NUDT13: variants seen among roughly 807,000 people sequenced by gnomAD.
The protein encoded by NUDT13 is NAD(P)H pyrophosphatase NUDT13, mitochondrial.
Under a neutral mutation model 41.7 loss-of-function variants are expected in NUDT13, and 40 were observed. The ratio of observed to expected loss-of-function variants is 0.96; its 90% CI spans 0.75 to 1.25. The LOEUF (loss-of-function observed/expected upper bound fraction) is 1.25, where lower values mean the gene tolerates loss of function less well. Among genes scored for constraint, NUDT13 ranks in the 50% most tolerant of loss-of-function variants. The probability of loss-of-function intolerance (pLI) is 0.00; values close to 1 mark genes in which losing one functional copy is unlikely to be tolerated. For missense variants in NUDT13, 390 were observed against 416.1 expected (o/e 0.94, Z 0.55); for synonymous variants, 145 against 155.5 (o/e 0.93, Z 0.50).
intron 8 of NUDT13, among the ~76,000 whole-genome samples, chr10:73,128,791 A>G (rs189892860): frequency 1.2e-4 from 18 of 152,268 alleles, no homozygotes; most frequent in Admixed American, 1.2e-3. Flanking sequence ...CTTTGGTATC[A>G]TATCTAAGAG....
chr10:73,114,465 C>G lies in NUDT13; in HGVS notation c.83+17C>G. On this transcript the variant is annotated intron_variant, in intron 2 of 8. Coordinates refer to ENST00000357321, the MANE Select transcript of NUDT13 (RefSeq NM_015901.6). ...TAAGACACGGTGAGTTTTAGCCAAC[C>G]TGAGCTTTGATTATTCTGTTTGGCC... 6.9e-7 allele frequency: 1 copy of G among 1,444,154 alleles called. No individual in the cohort carries two copies. Among genetic ancestry groups the G allele is most frequent in the Non-Finnish European group, 9.5e-7 (1 of 1,049,292 alleles). 89.5% of individuals were successfully genotyped at this position (1,444,154 alleles called of 1,614,324 possible).
At chr10:73,113,598 T>C (rs1186518604) in intron 1 of NUDT13, among the ~76,000 whole-genome samples, 1 of 152,202 alleles carries the variant, frequency 6.6e-6, no homozygotes, top group African/African-American at 2.4e-5. Flanking sequence ...ATCTTTTACA[T>C]TTTTGTGTTC....
intron 2 of NUDT13, among the ~76,000 whole-genome samples, chr10:73,117,771 C>A (rs1388750543): frequency 6.6e-6 from 1 of 151,870 alleles, no homozygotes. Context: ...ATTTTCTTTT[C>A]AAAAAATTGA....
intron 8 of NUDT13, among the ~76,000 whole-genome samples, chr10:73,129,638 G>A (rs1039719658): frequency 4.6e-5 from 7 of 150,630 alleles, no homozygotes; most frequent in Admixed American, 3.3e-4. Context: ...TTGCAAAGAT[G>A]AGACTATGCT....
At chr10:73,129,127 A>G (rs920086178) in intron 8 of NUDT13, among the ~76,000 whole-genome samples, 5 of 151,278 alleles carry the variant, frequency 3.3e-5, no homozygotes, top group Non-Finnish European at 7.4e-5. Flanking sequence ...AAAATATAAA[A>G]CTATAGGTAC....
At chr10:73,120,854 C>T (rs970241009) in intron 3 of NUDT13, among the ~76,000 whole-genome samples, 3 of 151,374 alleles carry the variant, frequency 2.0e-5, no homozygotes, top group South Asian at 2.1e-4. Context: ...AGGAGAATGG[C>T]GTCAACCCGG....
chr10:73,116,201 G>A (rs1842503089), intron 2 of NUDT13, among the ~76,000 whole-genome samples: 1 of 151,654 alleles, frequency 6.6e-6, no homozygotes, highest in Non-Finnish European at 1.5e-5. Flanking sequence ...GTAAGGTAGG[G>A]TCTTGCTATG....
intron 7 of NUDT13, chr10:73,126,310 C>T (rs557430539): frequency 2.5e-4 from 46 of 185,402 alleles, no homozygotes; most frequent in African/African-American, 1.0e-3. Context: ...TATTAGTACA[C>T]TTCTTCCTAT....
chr10:73,119,180 G>C (rs1190292017), intron 2 of NUDT13, among the ~76,000 whole-genome samples: 1 of 151,702 alleles, frequency 6.6e-6, no homozygotes, highest in Admixed American at 6.6e-5. Flanking sequence ...TGAGTAGCTG[G>C]GACTACAGGT....
chr10:73,119,669 A>G, intron 2 of NUDT13: 1 of 192,914 alleles, frequency 5.2e-6, no homozygotes, highest in Non-Finnish European at 1.0e-5. Flanking sequence ...AATTCAATAA[A>G]TATTTATTGA....
chr10:73,116,850 G>A (rs1392955089), intron 2 of NUDT13, among the ~76,000 whole-genome samples: 4 of 145,952 alleles, frequency 2.7e-5, no homozygotes, highest in Non-Finnish European at 4.5e-5. Context: ...TTTAGATTGC[G>A]TGTACTCCTT....
At chr10:73,126,186 C>T (rs529775783) in intron 7 of NUDT13, 2 of 253,918 alleles carry the variant, frequency 7.9e-6, no homozygotes, top group South Asian at 6.3e-5. Context: ...ATTCTTTAGG[C>T]CCCCTGCTCT....
At chr10:73,114,816 G>C (rs1842467267) in intron 2 of NUDT13, 1 of 152,926 alleles carries the variant, frequency 6.5e-6, no homozygotes, top group African/African-American at 2.4e-5. Context: ...ATTCCAGAGA[G>C]GGTTGTGCCC....
At chr10:73,128,255 G>C (rs192741776) in intron 8 of NUDT13, among the ~76,000 whole-genome samples, 33 of 152,220 alleles carry the variant, frequency 2.2e-4, no homozygotes, top group Non-Finnish European at 4.0e-4. Context: ...TGGGATGCTA[G>C]ATCAAAGGGT....
intron 5 of NUDT13, 74 bp from the exon 6 acceptor site, chr10:73,125,044 A>G: frequency 6.6e-7 from 1 of 1,504,448 alleles, no homozygotes; most frequent in East Asian, 2.3e-5. Context: ...TGTTCCAGAC[A>G]CTAGGCCCAG....
At chr10:73,130,535 T>A in intron 8 of NUDT13, 168 bp from the exon 9 acceptor site, 1 of 530,146 alleles carries the variant, frequency 1.9e-6, no homozygotes, top group Non-Finnish European at 3.4e-6. Flanking sequence ...TAATTATGCC[T>A]CTTTTGCTTC....
chr10:73,119,451 A>G (rs538015459), intron 2 of NUDT13: 1 of 980,506 alleles, frequency 1.0e-6, no homozygotes, highest in South Asian at 4.7e-5. Context: ...TCTTCCCTAG[A>G]TTGAATGAGG....
chr10:73,130,612 T>C (rs1178779760), intron 8 of NUDT13, 91 bp from the exon 9 acceptor site: 2 of 1,061,650 alleles, frequency 1.9e-6, no homozygotes, highest in East Asian at 4.8e-5. Flanking sequence ...TAAGATTGCT[T>C]AGTTCTAGAA....
At chr10:73,122,388 G>A in intron 4 of NUDT13, 79 bp downstream of exon 4, 1 of 1,367,880 alleles carries the variant, frequency 7.3e-7, no homozygotes, top group Non-Finnish European at 9.9e-7. Context: ...AAATTTAAAG[G>A]AAAATTTGGG....
Sources: allele counts gnomAD v4.1 joint callset (sites outside exome capture counted in the v4.1 genomes callset), GRCh38; gene constraint gnomAD v4.1.1; transcripts MANE v1.5; gene names NCBI Gene and HGNC (gene_info 2026-07-23, HGNC 2026-07-21).